The following CFAP54 variants were observed in gnomAD, a reference collection of about 807,000 sequenced individuals.
The protein encoded by CFAP54 is cilia- and flagella-associated protein 54.
Under a neutral mutation model 370.4 loss-of-function variants are expected in CFAP54, and 290 were observed. That is an observed-to-expected ratio of 0.78 (90% confidence interval 0.71 to 0.86). CFAP54 has a LOEUF of 0.86. CFAP54 is among the 40% of genes least tolerant of loss of function. The pLI, the probability that CFAP54 is intolerant of heterozygous loss-of-function variation, is 0.00. For missense variants in CFAP54, 3,399 were observed against 3,528.7 expected, an observed-to-expected ratio of 0.96 and a Z score of 0.93; for synonymous variants, 1,206 against 1,236.5, an observed-to-expected ratio of 0.98 and a Z score of 0.52.
chr12:96,643,516 CT>C (rs1315697408), intron 32 of CFAP54, among the ~76,000 whole-genome samples: 2 of 152,058 alleles, frequency 1.3e-5, no homozygotes, highest in Non-Finnish European at 2.9e-5. Context: ...ACAAAAAAAA[CT>C]GAAAATATGC....
intron 35 of CFAP54, among the ~76,000 whole-genome samples, chr12:96,650,703 A>G (rs1956849161): frequency 6.6e-6 from 1 of 152,224 alleles, no homozygotes; most frequent in South Asian, 2.1e-4. Flanking sequence ...AGAGGTAAAG[A>G]GAAATCTATC....
At chr12:96,864,252 G>A (rs1959949643) in intron 67 of CFAP54, among the ~76,000 whole-genome samples, 2 of 152,104 alleles carry the variant, frequency 1.3e-5, no homozygotes, top group Non-Finnish European at 2.9e-5. Context: ...ACTGAAAGGG[G>A]GAGAAGAAGG....
At chr12:96,734,625 T>C (rs1297306824) in intron 50 of CFAP54, among the ~76,000 whole-genome samples, 1 of 152,172 alleles carries the variant, frequency 6.6e-6, no homozygotes, top group Non-Finnish European at 1.5e-5. Flanking sequence ...ACACAGTTAA[T>C]ATATGGGAAA....
At chr12:96,836,247 T>C (rs1356159160) in intron 66 of CFAP54, among the ~76,000 whole-genome samples, 3 of 152,134 alleles carry the variant, frequency 2.0e-5, no homozygotes, top group African/African-American at 7.2e-5. Flanking sequence ...GGGAATGGTC[T>C]TCAGAGAGAT....
At chr12:96,609,453 A>G (rs1956332341) in intron 26 of CFAP54, among the ~76,000 whole-genome samples, 1 of 152,218 alleles carries the variant, frequency 6.6e-6, no homozygotes, top group Non-Finnish European at 1.5e-5. Flanking sequence ...TGACAAAGAC[A>G]TTTACCAACA....
chr12:96,489,841 G>A lies in CFAP54; in HGVS notation c.232G>A (p.Glu78Lys), dbSNP rs1385657167. ...CCCGCTCCTGGCCTCTTGTGAGAAG[G>A]AGATCCAGGAGTTGTTAGGCTTTAT... ...KNPLLASCEK[E>K]IQELLGFMRK... The change falls in exon 1 of 68, where the codon GAG (glutamate) becomes AAG (lysine). Residue 78 changes from glutamate to lysine, a missense_variant. This residue lies in a region of CFAP54 where 559 missense variants were observed against 576.7 expected (regional missense o/e 0.97). Coordinates refer to ENST00000524981, the MANE Select transcript of CFAP54 (RefSeq NM_001306084.2). 6.5e-7 allele frequency: 1 copy of A among 1,536,150 alleles called. No individual in the cohort carries two copies. Among genetic ancestry groups the A allele is most frequent in the Admixed American group, 2.0e-5 (1 of 51,000 alleles).
At chr12:96,687,384 A>G (rs373978892) in intron 42 of CFAP54, among the ~76,000 whole-genome samples, 1 of 152,202 alleles carries the variant, frequency 6.6e-6, no homozygotes, top group East Asian at 1.9e-4. Context: ...AGAATGGCTT[A>G]CGCATAGCTA....
At chr12:96,603,283 C>T (rs1157936810) in intron 26 of CFAP54, among the ~76,000 whole-genome samples, 1 of 152,094 alleles carries the variant, frequency 6.6e-6, no homozygotes, top group Non-Finnish European at 1.5e-5. Context: ...CAATATTGTC[C>T]CCCACTCTCT....
intron 59 of CFAP54, among the ~76,000 whole-genome samples, chr12:96,764,864 A>T (rs1958382871): frequency 6.6e-6 from 1 of 152,206 alleles, no homozygotes; most frequent in South Asian, 2.1e-4. Context: ...TTTATGCATT[A>T]ATTAAATTGT....
At chr12:96,640,673 C>T (rs1456296196) in intron 32 of CFAP54, among the ~76,000 whole-genome samples, 10 of 152,196 alleles carry the variant, frequency 6.6e-5, no homozygotes, top group Non-Finnish European at 1.5e-4. Context: ...TGACTTCAAA[C>T]TATACTACAA....
intron 22 of CFAP54, among the ~76,000 whole-genome samples, chr12:96,584,170 A>T (rs879799147): frequency 2.5e-5 from 2 of 81,472 alleles, no homozygotes; most frequent in Non-Finnish European, 4.9e-5. Context: ...TCATTCAAAT[A>T]AAAAAAAAAT....
intron 27 of CFAP54, among the ~76,000 whole-genome samples, chr12:96,621,963 A>G (rs1357460798): frequency 2.3e-5 from 3 of 130,242 alleles, no homozygotes; most frequent in Non-Finnish European, 3.1e-5. Flanking sequence ...AATAGTCCCC[A>G]TCACCAGTCC....
intron 25 of CFAP54, among the ~76,000 whole-genome samples, chr12:96,594,788 A>G (rs1301239244): frequency 6.6e-6 from 1 of 152,128 alleles, no homozygotes; most frequent in Non-Finnish European, 1.5e-5. Flanking sequence ...TAAATCCATC[A>G]TCTGGAGAAA....
chr12:96,763,228 A>G (rs964538977), intron 58 of CFAP54, among the ~76,000 whole-genome samples: 1 of 152,092 alleles, frequency 6.6e-6, no homozygotes, highest in African/African-American at 2.4e-5. Context: ...TTAAAAACTG[A>G]ATATATATTT....
intron 38 of CFAP54, among the ~76,000 whole-genome samples, chr12:96,659,784 G>A (rs1956971528): frequency 6.6e-6 from 1 of 152,290 alleles, no homozygotes; most frequent in African/African-American, 2.4e-5. Flanking sequence ...CCTGGCATAC[G>A]TGGGGCCTGA....
At chr12:96,554,603 A>G in intron 16 of CFAP54, 73 bp from the exon 17 acceptor site, 4 of 1,345,156 alleles carry the variant, frequency 3.0e-6, no homozygotes, top group Middle Eastern at 1.8e-4. Context: ...AACTTGAGTG[A>G]TAATAGTATA....
chr12:96,808,198 A>G (rs1159465039), intron 63 of CFAP54, among the ~76,000 whole-genome samples: 3 of 152,100 alleles, frequency 2.0e-5, no homozygotes, highest in Non-Finnish European at 4.4e-5. Context: ...TCATCAGCAT[A>G]TCTTTCAGTT....
At chr12:96,834,415 C>A (rs1959179690) in intron 66 of CFAP54, among the ~76,000 whole-genome samples, 1 of 152,232 alleles carries the variant, frequency 6.6e-6, no homozygotes, top group Admixed American at 6.5e-5. Flanking sequence ...GGATCCCATG[C>A]CTGCCAAGGG....
chr12:96,564,414 AT>A, intron 17 of CFAP54, 53 bp from the exon 18 acceptor site: 1 of 638,874 alleles, frequency 1.6e-6, no homozygotes, highest in Non-Finnish European at 2.8e-6. Flanking sequence ...TTTAAAAAAT[AT>A]TTCCTCTCTT....
Sources: allele counts gnomAD v4.1 joint callset (sites outside exome capture counted in the v4.1 genomes callset), GRCh38; gene constraint gnomAD v4.1.1; regional missense constraint gnomAD v4.1.1; transcripts MANE v1.5; gene names NCBI Gene and HGNC (gene_info 2026-07-23, HGNC 2026-07-21).